LHFPL2: variants seen among roughly 807,000 people sequenced by gnomAD.
LHFPL2 encodes LHFPL tetraspan subfamily member 2.
A neutral mutation model predicts 17.5 loss-of-function variants in LHFPL2; 7 were observed. That is an observed-to-expected ratio of 0.40 (90% CI 0.23 to 0.75). The LOEUF is 0.75. Among genes scored for constraint, LHFPL2 ranks in the 30% least tolerant of loss-of-function variants. LHFPL2 has a pLI of 0.37. For missense variants in LHFPL2, 241 were observed against 294.8 expected (o/e 0.82, Z 1.34); for synonymous variants, 134 against 116.2 (o/e 1.15, Z -0.99).
At chr5:78,641,906 T>TACACACATAC (rs1554061965) in intron 1 of LHFPL2, 2 of 107,690 alleles carry the variant, frequency 1.9e-5, no homozygotes, top group Non-Finnish European at 3.7e-5. Context: ...ATGTACAGTA[T>TACACACATAC]ACACACACAC....
chr5:78,538,023 T>C (rs1316339641), intron 3 of LHFPL2, among the ~76,000 whole-genome samples: 2 of 152,216 alleles, frequency 1.3e-5, no homozygotes, highest in Non-Finnish European at 2.9e-5. Flanking sequence ...ATCACAGTAC[T>C]TTCCCCCACT....
intron 2 of LHFPL2, among the ~76,000 whole-genome samples, chr5:78,580,054 G>A (rs897884047): frequency 6.6e-6 from 1 of 152,210 alleles, no homozygotes; most frequent in African/African-American, 2.4e-5. Flanking sequence ...ACTGGTATGA[G>A]ATGGTATCTC....
intron 2 of LHFPL2, among the ~76,000 whole-genome samples, chr5:78,622,210 T>G (rs1744879419): frequency 6.6e-6 from 1 of 152,140 alleles, no homozygotes; most frequent in African/African-American, 2.4e-5. Context: ...AGCACTTACA[T>G]GCACTACATG....
chr5:78,556,277 G>A lies in LHFPL2; in HGVS notation c.-186+8536C>T, dbSNP rs576989193. Among the ~76,000 whole-genome samples the A allele has an allele frequency of 5.9e-5, 9 of 152,254 alleles. No homozygotes were observed. In the South Asian group the frequency reaches 1.9e-3, roughly 32 times the overall value. ...AACTTTTCTAGGAAAATGGGCCAAG[G>A]TCATAAATGTCACTATTATCATAAA... On this transcript the variant is annotated intron_variant, in intron 3 of 4. Transcript: ENST00000380345.
chr5:78,512,286 A>G (rs1435321215), intron 3 of LHFPL2, among the ~76,000 whole-genome samples: 2 of 151,884 alleles, frequency 1.3e-5, no homozygotes, highest in Non-Finnish European at 1.5e-5. Context: ...TCAAGGGCAG[A>G]GTCCTGGTCT....
At position 78,614,966 on chromosome 5, in the gene LHFPL2, G is replaced by T. The variant is rs1006144556; in HGVS notation, c.-245+17298C>A. ...CCCAGGCAGTCTGGCTCCAAAGCCTGGGCTTTTTACTACTCTACTAGCTTG... is the reference window on the plus strand; with the variant it reads ...CCCAGGCAGTCTGGCTCCAAAGCCTTGGCTTTTTACTACTCTACTAGCTTG... On this transcript the variant is annotated intron_variant, in intron 2 of 4. Coordinates refer to ENST00000380345, the MANE Select transcript of LHFPL2 (RefSeq NM_005779.3). 3.3e-5 allele frequency among the ~76,000 whole-genome samples: 5 copies of T among 152,192 alleles called. No individual in the cohort carries two copies. In the East Asian group the frequency reaches 7.7e-4, roughly 23 times the overall value.
chr5:78,639,446 G>A (rs145261515), intron 1 of LHFPL2, among the ~76,000 whole-genome samples: 101 of 152,202 alleles, frequency 6.6e-4, no homozygotes, highest in South Asian at 1.0e-3. Context: ...AGTTTAAGCC[G>A]GCACACTATG....
At chr5:78,550,123 T>C (rs1309011592) in intron 3 of LHFPL2, among the ~76,000 whole-genome samples, 1 of 152,218 alleles carries the variant, frequency 6.6e-6, no homozygotes, top group African/African-American at 2.4e-5. Flanking sequence ...GAGGCCAAGC[T>C]TGCACACAGG....
At chr5:78,586,565 C>T (rs1315185193) in intron 2 of LHFPL2, among the ~76,000 whole-genome samples, 5 of 152,182 alleles carry the variant, frequency 3.3e-5, no homozygotes, top group Non-Finnish European at 7.4e-5. Context: ...TCAACACTCT[C>T]AGGCAACAGA....
At chr5:78,646,397 C>T (rs1296555645) in intron 1 of LHFPL2, among the ~76,000 whole-genome samples, 8 of 152,248 alleles carry the variant, frequency 5.3e-5, no homozygotes, top group Non-Finnish European at 2.9e-5. Context: ...ATCAGTAACA[C>T]TTTCTGAGCA....
chr5:78,493,293 C>T (rs1358632888), intron 4 of LHFPL2, among the ~76,000 whole-genome samples: 1 of 152,174 alleles, frequency 6.6e-6, no homozygotes, highest in African/African-American at 2.4e-5. Context: ...CCACTGCTCT[C>T]AGGCTGAAGC....
chr5:78,618,446 C>T lies in LHFPL2; in HGVS notation c.-245+13818G>A, dbSNP rs559831456. Among the ~76,000 whole-genome samples, 119 of 152,244 alleles carry T rather than the reference C, an allele frequency of 7.8e-4. 4 individuals are homozygous for T. In the South Asian group the frequency reaches 0.015, roughly 19 times the overall value. Reference sequence around the variant, plus strand: ...TCACAGGCAGCATTCGGCCGGTGGACGGGCTGGTCTAGAGGCTTGGTTTGC... The same window carrying T: ...TCACAGGCAGCATTCGGCCGGTGGATGGGCTGGTCTAGAGGCTTGGTTTGC... On this transcript the variant is annotated intron_variant, in intron 2 of 4. Coordinates refer to ENST00000380345, the MANE Select transcript of LHFPL2 (RefSeq NM_005779.3).
intron 3 of LHFPL2, among the ~76,000 whole-genome samples, chr5:78,549,594 A>G (rs1358954177): frequency 2.0e-5 from 3 of 152,116 alleles, no homozygotes; most frequent in African/African-American, 7.2e-5. Flanking sequence ...CATGCTGAAG[A>G]CTCTGAGTAG....
chr5:78,623,748 AT>A (rs1744940088), intron 2 of LHFPL2, among the ~76,000 whole-genome samples: 1 of 152,168 alleles, frequency 6.6e-6, no homozygotes, highest in African/African-American at 2.4e-5. Context: ...CAAATAAGCC[AT>A]TTTTTATTAA....
At chr5:78,584,636 C>T (rs1201257811) in intron 2 of LHFPL2, among the ~76,000 whole-genome samples, 1 of 152,178 alleles carries the variant, frequency 6.6e-6, no homozygotes, top group African/African-American at 2.4e-5. Flanking sequence ...AGGCAGTCTG[C>T]CCGTTCTCAG....
intron 2 of LHFPL2, among the ~76,000 whole-genome samples, chr5:78,600,857 G>A (rs924267670): frequency 3.3e-5 from 5 of 152,200 alleles, no homozygotes; most frequent in African/African-American, 1.2e-4. Context: ...TTCTGGCTGA[G>A]AAAACACTTT....
intron 3 of LHFPL2, among the ~76,000 whole-genome samples, chr5:78,545,652 T>C (rs1756250696): frequency 1.3e-5 from 2 of 152,208 alleles, no homozygotes; most frequent in African/African-American, 4.8e-5. Flanking sequence ...GGATGTGCTG[T>C]GAAATAGTTT....
intron 2 of LHFPL2, among the ~76,000 whole-genome samples, chr5:78,602,118 ACTTAT>A (rs1292789514): frequency 6.6e-6 from 1 of 152,194 alleles, no homozygotes; most frequent in East Asian, 1.9e-4. Context: ...GGCAGAGTAT[ACTTAT>A]CTGATGTATA....
At chr5:78,506,892 C>T (rs958406449) in intron 4 of LHFPL2, among the ~76,000 whole-genome samples, 4 of 152,102 alleles carry the variant, frequency 2.6e-5, no homozygotes, top group African/African-American at 9.7e-5. Context: ...TTTTGAGATG[C>T]TGCATAAGTA....
Sources: gnomAD v4.1 joint callset for allele counts (sites outside exome capture counted in the v4.1 genomes callset) on GRCh38, gnomAD v4.1.1 for gene constraint, MANE v1.5 for transcripts, NCBI Gene and HGNC (gene_info 2026-07-23, HGNC 2026-07-21) for gene names.